The following LIN54 variants were observed in gnomAD, a reference collection of about 807,000 sequenced individuals.
LIN54 encodes lin-54 DREAM MuvB core complex component.
LIN54 carries 9 observed loss-of-function variants against 78.7 expected under a neutral mutation model. That is an observed-to-expected ratio of 0.11 (90% confidence interval 0.07 to 0.20). The LOEUF is 0.20. Among genes scored for constraint, LIN54 ranks in the 10% least tolerant of loss-of-function variants. LIN54 has a pLI of 1.00. For synonymous variants in LIN54, 269 were observed against 318.4 expected (o/e 0.84, Z 1.65); for missense variants, 573 against 889.9 (o/e 0.64, Z 4.53).
chr4:82,992,601 C>T lies in LIN54; in HGVS notation c.-32-7725G>A, dbSNP rs553270236. ...TGACTTGGAGGCTGTAGCAAGCAAA[C>T]CACGACACAGTGGCGTGAACACGAC... On this transcript the variant is annotated intron_variant, in intron 1 of 12. Coordinates refer to ENST00000340417, the MANE Select transcript of LIN54 (RefSeq NM_194282.4). 3.3e-3 allele frequency among the ~76,000 whole-genome samples: 505 copies of T among 152,286 alleles called. 1 individual carries two copies. The highest frequency in any genetic ancestry group is 5.3e-3 in the Non-Finnish European group (361 of 68,010).
chr4:82,974,463 G>A (rs6535420), intron 3 of LIN54, among the ~76,000 whole-genome samples: 151,297 of 152,266 alleles, frequency 0.99, 75,171 homozygotes, highest in Middle Eastern at 1. Flanking sequence ...ATGGCTGGGC[G>A]TGGTGGCTCA....
chr4:83,000,169 C>T (rs778806010), intron 1 of LIN54, among the ~76,000 whole-genome samples: 24 of 152,108 alleles, frequency 1.6e-4, no homozygotes, highest in Non-Finnish European at 3.1e-4. Context: ...GCTGGGATTA[C>T]AGGTATGAGC....
rs189560077 is a variant in LIN54, at chr4:82,990,726, G to A, written c.-32-5850C>T. On this transcript the variant is annotated intron_variant, in intron 1 of 12. Transcript: ENST00000340417. ...TCTCGATCTCCTGACCTCGTGATCC[G>A]CCCGCCTCCGCCTCCCAAAGTGCTA... Among the ~76,000 whole-genome samples, 434 of 151,988 alleles carry A rather than the reference G, an allele frequency of 2.9e-3. 1 individual carries two copies. The highest frequency in any genetic ancestry group is 0.01 in the African/African-American group (415 of 41,440).
intron 6 of LIN54, 47 bp downstream of exon 6, chr4:82,939,842 A>G: frequency 1.3e-6 from 2 of 1,589,664 alleles, no homozygotes; most frequent in Non-Finnish European, 1.7e-6. Context: ...TTAAAAAGTA[A>G]ATCGTCTATT....
intron 11 of LIN54, among the ~76,000 whole-genome samples, chr4:82,933,781 G>A (rs1319792239): frequency 6.6e-6 from 1 of 152,160 alleles, no homozygotes; most frequent in Non-Finnish European, 1.5e-5. Context: ...AACCAGTCCA[G>A]TACCTTTTCT....
intron 1 of LIN54, among the ~76,000 whole-genome samples, chr4:83,008,710 C>T (rs1251653214): frequency 6.6e-6 from 1 of 152,254 alleles, no homozygotes; most frequent in East Asian, 1.9e-4. Flanking sequence ...ATCTATAATA[C>T]TCTTCCCCCA....
chr4:82,969,292 A>T (rs1379847631), intron 4 of LIN54, among the ~76,000 whole-genome samples: 3 of 152,246 alleles, frequency 2.0e-5, no homozygotes, highest in African/African-American at 7.2e-5. Context: ...CACAGCAGTC[A>T]TTAATCCATC....
chr4:82,951,165 TAA>T (rs1723811692), intron 4 of LIN54, among the ~76,000 whole-genome samples: 1 of 152,260 alleles, frequency 6.6e-6, no homozygotes, highest in East Asian at 1.9e-4. Context: ...ACTTTCAAGC[TAA>T]AAGAGACAAA....
At chr4:82,942,892 A>T (rs4693061) in intron 5 of LIN54, among the ~76,000 whole-genome samples, 56,187 of 140,866 alleles carry the variant, frequency 0.4, 13,833 homozygotes, top group Admixed American at 0.56. Flanking sequence ...ACACACACAC[A>T]CCCTCCCTCC....
chr4:82,959,549 T>G (rs1239240095), intron 4 of LIN54, among the ~76,000 whole-genome samples: 1 of 152,008 alleles, frequency 6.6e-6, no homozygotes, highest in African/African-American at 2.4e-5. Context: ...AACAAAACAT[T>G]GCTCAAAATT....
At chr4:83,004,013 A>G (rs1484354383) in intron 1 of LIN54, among the ~76,000 whole-genome samples, 1 of 152,200 alleles carries the variant, frequency 6.6e-6, no homozygotes, top group African/African-American at 2.4e-5. Flanking sequence ...TAAAAGCCAA[A>G]CCACTTAACC....
chr4:82,997,205 T>TCAA (rs774932428), intron 1 of LIN54, among the ~76,000 whole-genome samples: 2 of 152,128 alleles, frequency 1.3e-5, no homozygotes, highest in Non-Finnish European at 2.9e-5. Flanking sequence ...TAGAATTATT[T>TCAA]ACATTGGACT....
At position 82,984,614 on chromosome 4, in the gene LIN54, T is replaced by G. The variant is rs1726958261; in HGVS notation, c.231A>C (p.Ala77=). The change falls in exon 2 of 13, where the codon GCA becomes GCC. Residue 77 remains alanine, a synonymous_variant. Coordinates refer to ENST00000340417, the MANE Select transcript of LIN54 (RefSeq NM_194282.4). ...CTGCTTTAGTAATTGTGGTATTCAC[T>G]GCAACTTGGTTAGTGTGGTTACTGT... ...TVYSNHTNQV[A]VNTTITKADS... 1 of 1,614,224 alleles carries G rather than the reference T, an allele frequency of 6.2e-7. No individual in the cohort carries two copies. The highest frequency in any genetic ancestry group is 8.5e-7 in the Non-Finnish European group (1 of 1,180,030).
rs1293771132 is a variant in LIN54, at chr4:82,936,293, G to T, written c.1693C>A (p.Gln565Lys). ...YNNLEHENER[Q>K]KAIKACLDRN... is the part of the protein sequence containing the mutation. ...AAAATAATCACCTTTATTGCTTTTT[G>T]CCTTTCATTTTCATGTTCCAAATTG... is the stretch of plus-strand genomic sequence containing the variant. The change falls in exon 10 of 13, where the codon CAA becomes AAA. Residue 565 changes from glutamine to lysine, a missense_variant. Gln to Lys is a moderately conservative substitution (Grantham distance 53). Transcript: ENST00000340417. 1 of 1,563,342 alleles carries T rather than the reference G, an allele frequency of 6.4e-7. No homozygotes were observed. The highest frequency in any genetic ancestry group is 1.9e-5 in the Admixed American group (1 of 53,418).
In LIN54 at chr4:82,928,059, A is replaced by T; in HGVS notation, c.*43T>A. The T allele has an allele frequency of 6.4e-7, 1 of 1,551,632 alleles. No individual in the cohort carries two copies. The highest frequency in any genetic ancestry group is 8.9e-7 in the Non-Finnish European group (1 of 1,123,312). The stretch of plus-strand genomic sequence containing the variant: ...AGAAAATCAAGTGTCCCTGCACCTT[A>T]AATTTTCTGTACAGTTCCATTTATC... On this transcript the variant is annotated 3_prime_UTR_variant, in exon 13 of 13. Coordinates refer to ENST00000340417, the MANE Select transcript of LIN54 (RefSeq NM_194282.4).
At chr4:82,980,730 A>C (rs61490473) in intron 2 of LIN54, among the ~76,000 whole-genome samples, 2,723 of 152,238 alleles carry the variant, frequency 0.018, 85 homozygotes, top group African/African-American at 0.062. Context: ...GTCAGTCAAA[A>C]TTGTATCTAT....
At chr4:82,974,516 C>T (rs1344806377) in intron 3 of LIN54, among the ~76,000 whole-genome samples, 1 of 152,032 alleles carries the variant, frequency 6.6e-6, no homozygotes, top group East Asian at 1.9e-4. Context: ...GTGGGCAGAT[C>T]ACCTGAGGTC....
intron 1 of LIN54, among the ~76,000 whole-genome samples, chr4:82,986,702 CAAAAAAA>C (rs70943178): frequency 1.5e-5 from 1 of 68,730 alleles, no homozygotes; most frequent in Admixed American, 1.8e-4. Context: ...GACCCCATCT[CAAAAAAA>C]AAAAAAAAAA....
intron 5 of LIN54, among the ~76,000 whole-genome samples, chr4:82,942,738 A>G (rs1467208789): frequency 6.6e-6 from 1 of 152,038 alleles, no homozygotes; most frequent in African/African-American, 2.4e-5. Context: ...GTGGAATCCA[A>G]AAACTTCCTG....
Sources: gnomAD v4.1 joint callset for allele counts (sites outside exome capture counted in the v4.1 genomes callset) on GRCh38, gnomAD v4.1.1 for gene constraint, MANE v1.5 for transcripts, NCBI Gene and HGNC (gene_info 2026-07-23, HGNC 2026-07-21) for gene names.